PPM1H: variants seen among roughly 807,000 people sequenced by gnomAD.
The protein encoded by PPM1H is protein phosphatase, Mg2+/Mn2+ dependent 1H.
In PPM1H, 27 loss-of-function variants were observed where a neutral mutation model predicts 54.9. The observed-to-expected ratio is 0.49, with a 90% CI of 0.36 to 0.68. The LOEUF (loss-of-function observed/expected upper bound fraction) is 0.68, where lower values mean the gene tolerates loss of function less well. PPM1H is among the 30% of genes least tolerant of loss of function. The pLI is 0.00. For synonymous variants in PPM1H, 305 were observed against 270.8 expected (o/e 1.13, Z -1.24); for missense variants, 596 against 667.8 (o/e 0.89, Z 1.19).
At chr12:62,778,274 G>A (rs1694029987) in intron 4 of PPM1H, among the ~76,000 whole-genome samples, 1 of 152,164 alleles carries the variant, frequency 6.6e-6, no homozygotes, top group South Asian at 2.1e-4. Context: ...GGCCAAAACT[G>A]CTAACTGTCC....
At chr12:62,783,781 A>G (rs570337797) in intron 4 of PPM1H, among the ~76,000 whole-genome samples, 59 of 152,208 alleles carry the variant, frequency 3.9e-4, no homozygotes, top group Non-Finnish European at 7.2e-4. Flanking sequence ...TAAATCTTAA[A>G]TGCTTTTTAA....
intron 3 of PPM1H, among the ~76,000 whole-genome samples, chr12:62,791,407 A>T (rs921189793): frequency 2.6e-5 from 4 of 152,114 alleles, no homozygotes; most frequent in African/African-American, 9.7e-5. Flanking sequence ...AAACCCTACT[A>T]AGGGGTTTGT....
At chr12:62,848,007 ATGAG>A (rs1869039169) in intron 1 of PPM1H, among the ~76,000 whole-genome samples, 2 of 152,218 alleles carry the variant, frequency 1.3e-5, no homozygotes, top group Admixed American at 1.3e-4. Flanking sequence ...ATGGTAAGAA[ATGAG>A]TTCTCAATGG....
intron 9 of PPM1H, among the ~76,000 whole-genome samples, chr12:62,653,620 G>A (rs80211036): frequency 2.6e-3 from 392 of 152,266 alleles, no homozygotes; most frequent in African/African-American, 8.9e-3. Flanking sequence ...TCTTTTTCAT[G>A]GTGAGTGTGA....
rs529906853 is a variant in PPM1H, at chr12:62,647,530, C to T, written c.*959G>A. On this transcript the variant is annotated 3_prime_UTR_variant, in exon 10 of 10. Coordinates refer to ENST00000228705, the MANE Select transcript of PPM1H (RefSeq NM_020700.2). Reference sequence around the variant, plus strand: ...ATTAAACACTGCTTTATATGTGTCCCCATGATACAGAAAAGTGGGATGGGG... The same window carrying T: ...ATTAAACACTGCTTTATATGTGTCCTCATGATACAGAAAAGTGGGATGGGG... The T allele has an allele frequency of 6.6e-6, 1 of 152,292 alleles. No individual in the cohort carries two copies. The highest frequency in any genetic ancestry group is 1.9e-4 in the East Asian group (1 of 5,184). The allele number at this position is 152,292 out of a possible 1,614,324, so 9.4% of individuals were successfully genotyped here.
intron 6 of PPM1H, among the ~76,000 whole-genome samples, chr12:62,713,968 T>C (rs1178304840): frequency 1.3e-5 from 2 of 150,786 alleles, no homozygotes; most frequent in Non-Finnish European, 3.0e-5. Context: ...ACCCTGTCTT[T>C]AAAAAAAACA....
chr12:62,752,459 T>C (rs1297900612), intron 4 of PPM1H, among the ~76,000 whole-genome samples: 1 of 152,214 alleles, frequency 6.6e-6, no homozygotes, highest in Non-Finnish European at 1.5e-5. Context: ...TTTCTCATTG[T>C]CATTTCCATT....
At chr12:62,697,881 T>C (rs2120363552) in intron 6 of PPM1H, among the ~76,000 whole-genome samples, 1 of 152,212 alleles carries the variant, frequency 6.6e-6, no homozygotes, top group South Asian at 2.1e-4. Flanking sequence ...TTAGGAAAGA[T>C]TTTCTAGACA....
In PPM1H at chr12:62,694,012, A is replaced by G; in HGVS notation, c.1074-13T>C. 1.2e-6 allele frequency: 2 copies of G among 1,608,302 alleles called. No homozygotes were observed. Among genetic ancestry groups the G allele is most frequent in the South Asian group, 2.2e-5 (2 of 89,702 alleles). On this transcript the variant is annotated splice_polypyrimidine_tract_variant and intron_variant, in intron 6 of 9. Transcript: ENST00000228705. The stretch of plus-strand genomic sequence containing the variant: ...GGTTTTGTATGCCCTGTAGGGGATA[A>G]ACAACATTTTAAAAAAGGTTTGCAC...
At chr12:62,694,022 T>TA (rs774005628) in intron 6 of PPM1H, 23 bp from the exon 7 acceptor site, 2 of 1,601,622 alleles carry the variant, frequency 1.2e-6, no homozygotes, top group Non-Finnish European at 1.7e-6. Context: ...AACAACATTT[T>TA]AAAAAAGGTT....
chr12:62,741,793 G>T (rs926781709), intron 4 of PPM1H, among the ~76,000 whole-genome samples: 2 of 152,126 alleles, frequency 1.3e-5, no homozygotes, highest in Non-Finnish European at 2.9e-5. Flanking sequence ...CGTGCCAGAC[G>T]TGCAACAATT....
intron 3 of PPM1H, among the ~76,000 whole-genome samples, chr12:62,788,906 T>G (rs2076688696): frequency 6.6e-6 from 1 of 152,088 alleles, no homozygotes; most frequent in Non-Finnish European, 1.5e-5. Flanking sequence ...TTGTATTTTT[T>G]GTAGAGATGG....
intron 1 of PPM1H, among the ~76,000 whole-genome samples, chr12:62,921,994 A>C (rs1314711101): frequency 6.6e-6 from 1 of 152,248 alleles, no homozygotes; most frequent in African/African-American, 2.4e-5. Flanking sequence ...AAAAAGAAAC[A>C]TCACTACATA....
At chr12:62,659,040 C>T (rs563647777) in intron 9 of PPM1H, 13 of 725,574 alleles carry the variant, frequency 1.8e-5, no homozygotes, top group Middle Eastern at 3.0e-4. Flanking sequence ...CAGTGGCTTC[C>T]GGAAGTTCCT....
Position 62,646,021 on chromosome 12 carries a change from C to T in PPM1H, c.*2468G>A, listed in dbSNP as rs1405122772. ...AGAGCAATATCAGTGCTGGACAGAT[C>T]TGCCATGCTTCGTTTACATCATGTT... On this transcript the variant is annotated 3_prime_UTR_variant, in exon 10 of 10. Coordinates refer to ENST00000228705, the MANE Select transcript of PPM1H (RefSeq NM_020700.2). 1.3e-5 allele frequency: 2 copies of T among 152,204 alleles called. No homozygotes were observed. The highest frequency in any genetic ancestry group is 6.5e-5 in the Admixed American group (1 of 15,278). The allele number at this position is 152,204 out of a possible 1,614,324, so 9.4% of individuals were successfully genotyped here. A position where few individuals can be genotyped will look rare whatever the true frequency, so the allele number is the denominator to read the frequency against.
intron 4 of PPM1H, among the ~76,000 whole-genome samples, chr12:62,786,367 T>A (rs1041921150): frequency 1.3e-5 from 2 of 152,234 alleles, no homozygotes; most frequent in Non-Finnish European, 2.9e-5. Flanking sequence ...GTGCTGGTTC[T>A]TTTCCATCTG....
chr12:62,703,162 C>G (rs143676421), intron 6 of PPM1H, among the ~76,000 whole-genome samples: 1 of 152,160 alleles, frequency 6.6e-6, no homozygotes, highest in African/African-American at 2.4e-5. Context: ...CACAGCACAT[C>G]CCCGTAGGAA....
At chr12:62,788,092 T>A (rs2076683236) in intron 4 of PPM1H, 134 bp downstream of exon 4, 6 of 649,612 alleles carry the variant, frequency 9.2e-6, no homozygotes, top group Non-Finnish European at 1.6e-5. Flanking sequence ...TCAACCTGAT[T>A]GTCCTTAAAT....
rs558443451 is a variant in PPM1H at position 62,881,823 on chromosome 12, T to C, written c.246-49544A>G. 3.9e-5 allele frequency among the ~76,000 whole-genome samples: 6 copies of C among 152,314 alleles called. No individual in the cohort carries two copies. In the South Asian group the frequency reaches 1.2e-3, roughly 32 times the overall value. ...TCCAGCTGCCATCGCTTGCTTGGCA[T>C]AATGCAAAACCCACCTACACTGGTC... On this transcript the variant is annotated intron_variant, in intron 1 of 9. Coordinates refer to ENST00000228705, the MANE Select transcript of PPM1H (RefSeq NM_020700.2).
Sources: allele counts gnomAD v4.1 joint callset (sites outside exome capture counted in the v4.1 genomes callset), GRCh38; gene constraint gnomAD v4.1.1; transcripts MANE v1.5; gene names NCBI Gene and HGNC (gene_info 2026-07-23, HGNC 2026-07-21).